The following RBFOX1 variants were observed in gnomAD, a reference collection of about 807,000 sequenced individuals.
RBFOX1 encodes RNA binding fox-1 homolog 1.
In RBFOX1, 8 loss-of-function variants were observed where a neutral mutation model predicts 57.7. The observed-to-expected ratio is 0.14, with a 90% confidence interval of 0.08 to 0.25. The LOEUF (loss-of-function observed/expected upper bound fraction) is 0.25, where lower values mean the gene tolerates loss of function less well. Ranked by LOEUF, RBFOX1 falls within the 10% of genes least tolerant of loss-of-function variation. The pLI, the probability that RBFOX1 is intolerant of heterozygous loss-of-function variation, is 1.00. For missense variants in RBFOX1, 611 were observed against 548.5 expected (o/e 1.11, Z -1.14); for synonymous variants, 326 against 222.4 (o/e 1.47, Z -4.15).
chr16:5,537,186 C>T (rs1252998114), intron 2 of RBFOX1, among the ~76,000 whole-genome samples: 3 of 152,142 alleles, frequency 2.0e-5, no homozygotes, highest in Admixed American at 2.0e-4. Flanking sequence ...TCACCAGCAG[C>T]ATCTTTAATG....
chr16:7,454,181 C>T lies in RBFOX1; in HGVS notation c.28-63966C>T, dbSNP rs1447314217. Among the ~76,000 whole-genome samples, 4 of 152,118 alleles carry T rather than the reference C, an allele frequency of 2.6e-5. No individual in the cohort carries two copies. In the South Asian group the frequency reaches 6.2e-4, roughly 24 times the overall value. ...TCAGGAGGCTGAGGTCCCAGTGAGCCGAAATCATGCCACGGCACTCCAGCC... is the reference window on the plus strand; with the variant it reads ...TCAGGAGGCTGAGGTCCCAGTGAGCTGAAATCATGCCACGGCACTCCAGCC... On this transcript the variant is annotated intron_variant, in intron 4 of 15. Transcript: ENST00000550418.
Position 5,462,152 on chromosome 16 carries a change from GTTTC to G in RBFOX1, c.220-5048_220-5045del, listed in dbSNP as rs201472515. ...AGCAAGCATAAAAGAAACCCAGCGAGTTTCTTTCTTTCTTTCTTTTTTTTTTTTT... is the reference window on the plus strand; with the variant it reads ...AGCAAGCATAAAAGAAACCCAGCGAGTTTCTTTCTTTCTTTTTTTTTTTTT... On this transcript the variant is annotated intron_variant, in intron 1 of 2. Transcript: ENST00000585867. 7.2e-3 allele frequency among the ~76,000 whole-genome samples: 1,010 copies of G among 141,236 alleles called. 129 individuals carry two copies. The highest frequency in any genetic ancestry group is 0.011 in the Middle Eastern group (3 of 268). The allele number at this position is 141,236 out of a possible 152,430, so 92.7% of individuals were successfully genotyped here.
intron 2 of RBFOX1, among the ~76,000 whole-genome samples, chr16:5,510,023 C>A (rs541197815): frequency 2.6e-5 from 4 of 152,268 alleles, no homozygotes; most frequent in African/African-American, 9.6e-5. Flanking sequence ...CACGCCCTAC[C>A]CCTGGGCGCG....
chr16:7,256,622 A>G (rs1437919033), intron 4 of RBFOX1, among the ~76,000 whole-genome samples: 2 of 152,176 alleles, frequency 1.3e-5, no homozygotes, highest in Non-Finnish European at 2.9e-5. Context: ...GCCACAAACC[A>G]AAGTCATATC....
Position 5,856,313 on chromosome 16 carries a change from A to G in RBFOX1, c.319-10990A>G, listed in dbSNP as rs1311962061. On this transcript the variant is annotated intron_variant, in intron 3 of 19. Coordinates refer to the RBFOX1 transcript ENST00000641259. ...CACACACACACACACACACACACAT[A>G]TATATAGGGAAAACTGTTATATTAT... Among the ~76,000 whole-genome samples, 3 of 75,098 alleles carry G rather than the reference A, an allele frequency of 4.0e-5. No individual in the cohort carries two copies. The Admixed American group carries it at 6.6e-4, about 16-fold the overall frequency. The allele number at this position is 75,098 out of a possible 152,430, so 49.3% of individuals were successfully genotyped here.
intron 1 of RBFOX1, among the ~76,000 whole-genome samples, chr16:5,383,463 T>C (rs1043498143): frequency 1.3e-5 from 2 of 152,212 alleles, no homozygotes; most frequent in Non-Finnish European, 2.9e-5. Context: ...TAGTTGGCAC[T>C]GTTAAGCACC....
chr16:7,658,276 G>T (rs981675532), intron 12 of RBFOX1, among the ~76,000 whole-genome samples: 1 of 152,098 alleles, frequency 6.6e-6, no homozygotes, highest in Non-Finnish European at 1.5e-5. Context: ...TCTTTGCTAG[G>T]GGGCACTTGC....
chr16:6,121,174 A>G (rs1747389377), intron 1 of RBFOX1, among the ~76,000 whole-genome samples: 1 of 152,284 alleles, frequency 6.6e-6, no homozygotes, highest in East Asian at 1.9e-4. Context: ...CCATCAAAAT[A>G]CATGCACTGC....
intron 4 of RBFOX1, among the ~76,000 whole-genome samples, chr16:7,314,667 C>CTTT (rs1347704863): frequency 6.6e-6 from 1 of 152,124 alleles, no homozygotes; most frequent in Non-Finnish European, 1.5e-5. Context: ...GGCTGACACT[C>CTTT]TTTTATTAGC....
At chr16:5,249,527 T>TG (rs1279908361) in intron 1 of RBFOX1, among the ~76,000 whole-genome samples, 1 of 152,250 alleles carries the variant, frequency 6.6e-6, no homozygotes, top group Non-Finnish European at 1.5e-5. Flanking sequence ...TGTCCTGATG[T>TG]GGGGGTAAGC....
intron 4 of RBFOX1, among the ~76,000 whole-genome samples, chr16:5,987,574 G>A (rs118146901): frequency 6.6e-6 from 1 of 152,254 alleles, no homozygotes; most frequent in Non-Finnish European, 1.5e-5. Flanking sequence ...ATGTGGGCAT[G>A]TGCCTGTTTT....
chr16:5,981,764 C>T (rs968163529), intron 4 of RBFOX1, among the ~76,000 whole-genome samples: 2 of 152,114 alleles, frequency 1.3e-5, no homozygotes, highest in South Asian at 2.1e-4. Context: ...CCGCTGTGCC[C>T]GGCCGTGTGA....
rs36117809 is a variant in RBFOX1, at chr16:6,981,042, C to CAAAAAAAAAAAAAAAAAAAAAA, written c.-15-70998_-15-70997insAAAAAAAAAAAAAAAAAAAAAA. On this transcript the variant is annotated intron_variant, in intron 3 of 15. Coordinates refer to ENST00000550418, the MANE Select transcript of RBFOX1 (RefSeq NM_018723.4). ...TGGGTGGCAGAGCAAGTCTCAGTCT[C>CAAAAAAAAAAAAAAAAAAAAAA]AAAAAAAAAAAAAAAAACACTAAAA... 3.3e-3 allele frequency among the ~76,000 whole-genome samples: 255 copies of CAAAAAAAAAAAAAAAAAAAAAA among 77,376 alleles called. 18 individuals are homozygous for CAAAAAAAAAAAAAAAAAAAAAA. Among genetic ancestry groups the CAAAAAAAAAAAAAAAAAAAAAA allele is most frequent in the African/African-American group, 9.7e-3 (123 of 12,660 alleles). 50.8% of individuals were successfully genotyped at this position (77,376 alleles called of 152,430 possible).
At chr16:5,793,045 C>T (rs1326204708) in intron 3 of RBFOX1, among the ~76,000 whole-genome samples, 3 of 152,188 alleles carry the variant, frequency 2.0e-5, no homozygotes, top group South Asian at 4.1e-4. Context: ...TTCAAACCCA[C>T]GTTGTGTTGT....
At chr16:5,989,735 C>T (rs2060354462) in intron 4 of RBFOX1, among the ~76,000 whole-genome samples, 1 of 151,834 alleles carries the variant, frequency 6.6e-6, no homozygotes, top group South Asian at 2.1e-4. Context: ...CGCTTCTGGG[C>T]TCTGTAGCTT....
chr16:6,799,730 T>C (rs2154255615), intron 3 of RBFOX1, among the ~76,000 whole-genome samples: 1 of 152,286 alleles, frequency 6.6e-6, no homozygotes, highest in Non-Finnish European at 1.5e-5. Context: ...TGCTGGATAC[T>C]TCTTGCCCTT....
intron 3 of RBFOX1, among the ~76,000 whole-genome samples, chr16:6,682,203 A>G (rs532376672): frequency 6.6e-6 from 1 of 152,214 alleles, no homozygotes; most frequent in African/African-American, 2.4e-5. Context: ...AATTAAAACA[A>G]CAACAGCAAC....
intron 4 of RBFOX1, among the ~76,000 whole-genome samples, chr16:5,998,821 A>G (rs1164166489): frequency 1.3e-5 from 2 of 152,330 alleles, no homozygotes; most frequent in African/African-American, 4.8e-5. Flanking sequence ...GTTACTACGT[A>G]TATAAATTCA....
intron 1 of RBFOX1, among the ~76,000 whole-genome samples, chr16:6,221,298 A>G (rs1026872830): frequency 6.6e-6 from 1 of 152,168 alleles, no homozygotes; most frequent in African/African-American, 2.4e-5. Context: ...CCTAATAGAA[A>G]CTGTATCACT....
Sources: gnomAD v4.1 joint callset for allele counts (sites outside exome capture counted in the v4.1 genomes callset) on GRCh38, gnomAD v4.1.1 for gene constraint, MANE v1.5 for transcripts, NCBI Gene and HGNC (gene_info 2026-07-23, HGNC 2026-07-21) for gene names.